Variants in TMED9 observed in about 807,000 individuals in gnomAD.
TMED9 encodes transmembrane emp24 domain-containing protein 9.
A neutral mutation model predicts 30.6 loss-of-function variants in TMED9; 22 were observed. The ratio of observed to expected loss-of-function variants is 0.72; its 90% confidence interval spans 0.51 to 1.03. The LOEUF (loss-of-function observed/expected upper bound fraction) is 1.03, where lower values mean the gene tolerates loss of function less well. Ranked by LOEUF, TMED9 falls within the 50% of genes least tolerant of loss-of-function variation. The pLI is 0.00. For missense variants in TMED9, 251 were observed against 302.1 expected, an observed-to-expected ratio of 0.83 and a Z score of 1.25; for synonymous variants, 146 against 122.8, an observed-to-expected ratio of 1.19 and a Z score of -1.25.
At chr5:177,593,974 T>C (rs1054073789) in intron 3 of TMED9, 165 bp from the exon 4 acceptor site, 6 of 1,190,260 alleles carry the variant, frequency 5.0e-6, no homozygotes, top group African/African-American at 4.6e-5. Context: ...CCAGGCTTAA[T>C]ACTTGCTTGT....
intron 4 of TMED9, 29 bp downstream of exon 4, chr5:177,594,314 T>C (rs1046934452): frequency 2.5e-6 from 4 of 1,611,098 alleles, no homozygotes; most frequent in Non-Finnish European, 3.4e-6. Flanking sequence ...AGCAGTGGGC[T>C]TCTCCCTAGA....
chr5:177,593,520 A>T (rs891914738), intron 2 of TMED9, 130 bp from the exon 3 acceptor site: 1 of 1,170,126 alleles, frequency 8.5e-7, no homozygotes, highest in Non-Finnish European at 1.2e-6. Flanking sequence ...AGCAGCTTTG[A>T]ATCTTTCAGT....
Position 177,593,693 on chromosome 5 carries a change from T to C in TMED9, c.329T>C (p.Phe110Ser), listed in dbSNP as rs770235160. Reference protein sequence around the residue: ...RQYGSEGRFTFTSHTPGEHQI... With the variant: ...RQYGSEGRFTSTSHTPGEHQI... ...TATGGCTCCGAGGGCAGGTTCACTT[T>C]CACTTCCCATACCCCTGGTGAGCAC... Residue 110 changes from phenylalanine to serine, a missense_variant, in exon 3 of 5, where the codon TTC (phenylalanine) becomes TCC (serine). This residue lies in a region of TMED9 where 153 missense variants were observed against 239.6 expected (regional missense o/e 0.64). Transcript: ENST00000332598. 1 of 1,614,198 alleles carries C rather than the reference T, an allele frequency of 6.2e-7. No individual in the cohort carries two copies.
chr5:177,593,707 C>T lies in TMED9; in HGVS notation c.343C>T (p.Pro115Ser). The change falls in exon 3 of 5, where the codon CCT becomes TCT. Residue 115 changes from proline (P) to serine (S), a missense_variant. Pro to Ser is a moderately conservative substitution (Grantham distance 74). Around this residue, in one of 2 missense-constraint regions of TMED9, gnomAD observed 153 missense variants for 239.6 expected, o/e 0.64. Coordinates refer to ENST00000332598, the MANE Select transcript of TMED9 (RefSeq NM_017510.6). Reference protein sequence around the residue: ...EGRFTFTSHTPGEHQICLHSN... With the variant: ...EGRFTFTSHTSGEHQICLHSN... ...CAGGTTCACTTTCACTTCCCATACC[C>T]CTGGTGAGCACCAGATCTGTCTTCA... 6.2e-7 allele frequency: 1 copy of T among 1,614,192 alleles called. No homozygotes were observed. Among genetic ancestry groups the T allele is most frequent in the South Asian group, 1.1e-5 (1 of 91,086 alleles).
chr5:177,593,665 C>T lies in TMED9; in HGVS notation c.301C>T (p.Gln101Ter). 6.2e-7 allele frequency: 1 copy of T among 1,614,200 alleles called. No individual in the cohort carries two copies. The highest frequency in any genetic ancestry group is 8.5e-7 in the Non-Finnish European group (1 of 1,180,010). Residue 101 changes from glutamine (Q) to a stop codon, truncating the protein, a stop_gained, in exon 3 of 5, where the codon CAG becomes TAG. Transcript: ENST00000332598. LOFTEE classifies it high-confidence loss of function. ...DPEDKVILAR[Q>*]YGSEGRFTFT... ...CTTCCTCCAGGTCATCCTGGCCCGGCAGTATGGCTCCGAGGGCAGGTTCAC... is the reference window on the plus strand; with the variant it reads ...CTTCCTCCAGGTCATCCTGGCCCGGTAGTATGGCTCCGAGGGCAGGTTCAC...
chr5:177,594,279 C>T lies in TMED9; in HGVS notation c.552C>T (p.Tyr184=). The change falls in exon 4 of 5, where the codon TAC becomes TAT. Residue 184 remains tyrosine, a synonymous_variant. Transcript: ENST00000332598. ...QVEQIQKEQN[Y]QRWREERFRQ... ...AGCAGATCCAGAAAGAGCAGAACTA[C>T]CAGCGGGTGAGTGACTGGGCCGGGA... is the stretch of plus-strand genomic sequence containing the variant. The T allele has an allele frequency of 1.2e-6, 2 of 1,614,024 alleles. No individual in the cohort carries two copies. Among genetic ancestry groups the T allele is most frequent in the Non-Finnish European group, 1.7e-6 (2 of 1,179,994 alleles).
chr5:177,593,961 A>G, intron 3 of TMED9, 178 bp from the exon 4 acceptor site: 1 of 1,184,194 alleles, frequency 8.4e-7, no homozygotes, highest in Non-Finnish European at 1.2e-6. Flanking sequence ...TCAGAGCACC[A>G]GCCCAGGCTT....
chr5:177,596,354 C>T lies in TMED9; in HGVS notation c.*938C>T, dbSNP rs1767690619. Among the ~76,000 whole-genome samples the T allele has an allele frequency of 6.6e-6, 1 of 152,202 alleles. No homozygotes were observed. Among genetic ancestry groups the T allele is most frequent in the Non-Finnish European group, 1.5e-5 (1 of 68,042 alleles). On this transcript the variant is annotated 3_prime_UTR_variant, in exon 5 of 5. Coordinates refer to ENST00000332598, the MANE Select transcript of TMED9 (RefSeq NM_017510.6). ...TACACCCTTTCCTCTGTGCCAGCTC[C>T]CTGGTGAAGTTCCCTCTTTCTAGAG...
chr5:177,594,301 G>A lies in TMED9; in HGVS notation c.558+16G>A, dbSNP rs199721339. On this transcript the variant is annotated intron_variant, in intron 4 of 4. Coordinates refer to ENST00000332598, the MANE Select transcript of TMED9 (RefSeq NM_017510.6). Reference sequence around the variant, plus strand: ...CTACCAGCGGGTGAGTGACTGGGCCGGGAGCAGTGGGCTTCTCCCTAGAAG... The same window carrying A: ...CTACCAGCGGGTGAGTGACTGGGCCAGGAGCAGTGGGCTTCTCCCTAGAAG... The A allele has an allele frequency of 2.2e-3, 3,521 of 1,612,628 alleles. 5 individuals carry two copies. Among genetic ancestry groups the A allele is most frequent in the Non-Finnish European group, 2.7e-3 (3,194 of 1,179,498 alleles).
Position 177,597,020 on chromosome 5 carries a change from A to G in TMED9, c.*1604A>G, listed in dbSNP as rs979790592. On this transcript the variant is annotated 3_prime_UTR_variant, in exon 5 of 5. Transcript: ENST00000332598. ...GAGGGAGGTTACAGCAGTGTGTGAG[A>G]AAGACCAGGAAGAAGGAGACAAGTT... Among the ~76,000 whole-genome samples the G allele has an allele frequency of 2.0e-5, 3 of 152,176 alleles. No individual in the cohort carries two copies. Among genetic ancestry groups the G allele is most frequent in the Admixed American group, 6.5e-5 (1 of 15,276 alleles).
chr5:177,595,239 C>T, intron 4 of TMED9, 28 bp from the exon 5 acceptor site: 1 of 1,517,560 alleles, frequency 6.6e-7, no homozygotes, highest in Non-Finnish European at 8.9e-7. Context: ...CCCCAGCCAA[C>T]TCAGGCTCAC....
intron 4 of TMED9, 24 bp from the exon 5 acceptor site, chr5:177,595,243 G>A: frequency 1.3e-6 from 2 of 1,525,754 alleles, no homozygotes; most frequent in Non-Finnish European, 1.8e-6. Context: ...AGCCAACTCA[G>A]GCTCACCTTA....
intron 2 of TMED9, 64 bp downstream of exon 2, chr5:177,592,739 T>C: frequency 1.7e-6 from 2 of 1,172,280 alleles, no homozygotes; most frequent in Non-Finnish European, 2.5e-6. Context: ...GTACTTCCTC[T>C]TCTAGTTCCT....
intron 2 of TMED9, among the ~76,000 whole-genome samples, chr5:177,593,070 C>T (rs1767620321): frequency 1.3e-5 from 2 of 149,690 alleles, no homozygotes; most frequent in African/African-American, 4.9e-5. Flanking sequence ...TTTGGGATGC[C>T]GAGGCGGGTG....
chr5:177,597,084 C>G lies in TMED9; in HGVS notation c.*1668C>G, dbSNP rs1254621695. Among the ~76,000 whole-genome samples the G allele has an allele frequency of 6.6e-6, 1 of 150,946 alleles. No homozygotes were observed. Among genetic ancestry groups the G allele is most frequent in the Non-Finnish European group, 1.5e-5 (1 of 67,918 alleles). Reference sequence around the variant, plus strand: ...CCCTAATGGGATGATGCAATCTGGGCTCATGCTGCCAACTAATTCTTCCAC... The same window carrying G: ...CCCTAATGGGATGATGCAATCTGGGGTCATGCTGCCAACTAATTCTTCCAC... On this transcript the variant is annotated 3_prime_UTR_variant, in exon 5 of 5. Coordinates refer to ENST00000332598, the MANE Select transcript of TMED9 (RefSeq NM_017510.6).
intron 2 of TMED9, 27 bp downstream of exon 2, chr5:177,592,702 G>A (rs777355689): frequency 6.5e-7 from 1 of 1,538,136 alleles, no homozygotes. Context: ...CCTCCTCTCC[G>A]CCAGCCTCTC....
At chr5:177,592,918 T>C (rs1767617323) in intron 2 of TMED9, among the ~76,000 whole-genome samples, 1 of 152,116 alleles carries the variant, frequency 6.6e-6, no homozygotes, top group Non-Finnish European at 1.5e-5. Flanking sequence ...CATGATACTT[T>C]CCCCACAAAA....
Position 177,595,213 on chromosome 5 carries a change from TCAG to T in TMED9, c.559-50_559-48del, listed in dbSNP as rs1050901482. The T allele has an allele frequency of 1.4e-5, 21 of 1,464,762 alleles. No homozygotes were observed. The Admixed American group carries it at 4.6e-4, about 32-fold the overall frequency. The allele number at this position is 1,464,762 out of a possible 1,614,324, so 90.7% of individuals were successfully genotyped here. On this transcript the variant is annotated intron_variant, in intron 4 of 4. Transcript: ENST00000332598. ...CTTGGGCATCCTCTTGGTCTGGGAA[TCAG>T]CAGTTCTAGCAGCCCCAGCCAACTC...
At chr5:177,594,693 C>T (rs1325681566) in intron 4 of TMED9, among the ~76,000 whole-genome samples, 1 of 152,230 alleles carries the variant, frequency 6.6e-6, no homozygotes, top group Non-Finnish European at 1.5e-5. Context: ...CTGGGGGCTT[C>T]CTTGCAGAAA....
Sources: allele counts gnomAD v4.1 joint callset (sites outside exome capture counted in the v4.1 genomes callset), GRCh38; gene constraint gnomAD v4.1.1; regional missense constraint gnomAD v4.1.1; transcripts MANE v1.5; gene names NCBI Gene and HGNC (gene_info 2026-07-23, HGNC 2026-07-21).